Variants in PHC2 observed in about 807,000 individuals in gnomAD.
The protein encoded by PHC2 is polyhomeotic homolog 2.
PHC2 carries 29 observed loss-of-function variants against 87.4 expected under a neutral mutation model. The ratio of observed to expected loss-of-function variants is 0.33; its 90% CI spans 0.25 to 0.45. The LOEUF is 0.45. Among genes scored for constraint, PHC2 ranks in the 20% least tolerant of loss-of-function variants. The pLI, the probability that PHC2 is intolerant of heterozygous loss-of-function variation, is 1.00. For missense variants in PHC2, 857 were observed against 1,136.7 expected (o/e 0.75, Z 3.54); for synonymous variants, 438 against 461.7 (o/e 0.95, Z 0.66).
At chr1:33,413,571 C>T (rs141647327) in intron 1 of PHC2, among the ~76,000 whole-genome samples, 1 of 152,268 alleles carries the variant, frequency 6.6e-6, no homozygotes, top group East Asian at 1.9e-4. Flanking sequence ...TGGCAACAAT[C>T]TCAAAAGTGA....
At chr1:33,357,805 CA>C (rs1557831890) in intron 7 of PHC2, among the ~76,000 whole-genome samples, 1 of 152,194 alleles carries the variant, frequency 6.6e-6, no homozygotes, top group African/African-American at 2.4e-5. Context: ...AAATGATCTG[CA>C]AATGTTGGGC....
At chr1:33,351,292 C>CA (rs1009695295) in intron 9 of PHC2, among the ~76,000 whole-genome samples, 4 of 150,928 alleles carry the variant, frequency 2.7e-5, no homozygotes, top group South Asian at 2.1e-4. Flanking sequence ...TTGATTTTTT[C>CA]AAAAAAAAAT....
intron 1 of PHC2, among the ~76,000 whole-genome samples, chr1:33,384,669 G>A (rs773548651): frequency 2.0e-5 from 3 of 152,126 alleles, no homozygotes; most frequent in Non-Finnish European, 4.4e-5. Context: ...CTCCCTGGCC[G>A]GAGCGCATTC....
At chr1:33,391,180 T>C (rs1214292335) in intron 1 of PHC2, among the ~76,000 whole-genome samples, 1 of 152,148 alleles carries the variant, frequency 6.6e-6, no homozygotes, top group Non-Finnish European at 1.5e-5. Context: ...GCCTCACCCA[T>C]CCCCAGACTT....
intron 2 of PHC2, among the ~76,000 whole-genome samples, chr1:33,374,044 G>A (rs1421569545): frequency 1.3e-5 from 2 of 152,058 alleles, no homozygotes; most frequent in Non-Finnish European, 1.5e-5. Flanking sequence ...ACCCCTCTCC[G>A]ATACCCTGTT....
chr1:33,332,547 T>C lies in PHC2; in HGVS notation c.1762-143A>G, dbSNP rs1361712015. The C allele has an allele frequency of 1.0e-6, 1 of 1,001,778 alleles. No individual in the cohort carries two copies. The highest frequency in any genetic ancestry group is 1.6e-5 in the African/African-American group (1 of 62,300). 62.1% of individuals were successfully genotyped at this position (1,001,778 alleles called of 1,614,324 possible). On this transcript the variant is annotated intron_variant, in intron 10 of 14. Coordinates refer to ENST00000683057, the MANE Select transcript of PHC2 (RefSeq NM_001385109.1). This position sits in a 1 kb window ranked among gnomAD's most constrained non-coding sequence, Gnocchi z 4.2. Reference sequence around the variant, plus strand: ...ACCTTCCCCCATGTCATCATCCAAGTGTGCTGGGCTCAAGGCCCTATTTTG... The same window carrying C: ...ACCTTCCCCCATGTCATCATCCAAGCGTGCTGGGCTCAAGGCCCTATTTTG...
At position 33,354,406 on chromosome 1, in the gene PHC2, G is replaced by A. The variant is rs748613999; in HGVS notation, c.1553C>T (p.Ala518Val). 1 of 1,612,646 alleles carries A rather than the reference G, an allele frequency of 6.2e-7. No individual in the cohort carries two copies. The highest frequency in any genetic ancestry group is 8.5e-7 in the Non-Finnish European group (1 of 1,179,424). Reference sequence around the variant, plus strand: ...GGCCCCACTGTGCTTCATACCGTGAGCTGGGGACGGCTGGATGTTAGGGCT... The same window carrying A: ...GGCCCCACTGTGCTTCATACCGTGAACTGGGGACGGCTGGATGTTAGGGCT... ...PTSPNIQPSP[A>V]HETGQGIVHA... The change falls in exon 9 of 15, where the codon GCT becomes GTT. Residue 518 changes from alanine (A) to valine (V), a missense_variant. Transcript: ENST00000683057.
At chr1:33,419,382 A>G (rs1307026920) in intron 1 of PHC2, among the ~76,000 whole-genome samples, 1 of 152,188 alleles carries the variant, frequency 6.6e-6, no homozygotes, top group Non-Finnish European at 1.5e-5. Flanking sequence ...CTGAAGTTCA[A>G]TATTAGCTTC....
At chr1:33,340,074 C>T (rs1368796946) in intron 9 of PHC2, among the ~76,000 whole-genome samples, 2 of 152,224 alleles carry the variant, frequency 1.3e-5, no homozygotes, top group Non-Finnish European at 2.9e-5. Context: ...CGGAGCTTTT[C>T]CTTCTACCCC....
At chr1:33,365,041 C>T (rs114988347) in intron 7 of PHC2, among the ~76,000 whole-genome samples, 12 of 152,282 alleles carry the variant, frequency 7.9e-5, no homozygotes, top group African/African-American at 2.6e-4. Context: ...CTGAGAGGGA[C>T]GATCTGGCTT....
intron 9 of PHC2, among the ~76,000 whole-genome samples, chr1:33,344,310 A>G (rs1646804554): frequency 6.6e-6 from 1 of 152,162 alleles, no homozygotes; most frequent in African/African-American, 2.4e-5. Flanking sequence ...CCCCAATATG[A>G]TGACTATTTT....
intron 9 of PHC2, chr1:33,335,449 T>C: frequency 2.1e-6 from 1 of 467,746 alleles, no homozygotes; most frequent in Non-Finnish European, 2.8e-6. Flanking sequence ...ATATATACTT[T>C]AAAAGTGATT....
rs551983458 is a variant in PHC2, at chr1:33,340,116, A to G, written c.1559-5824T>C. Among the ~76,000 whole-genome samples the G allele has an allele frequency of 5.9e-5, 9 of 152,330 alleles. No homozygotes were observed. In the South Asian group the frequency reaches 1.0e-3, roughly 18 times the overall value. Reference sequence around the variant, plus strand: ...TTGGTCAATGGCTGATTTCCACCTTATCATGAGAAGGGAGTATGTATTTTA... The same window carrying G: ...TTGGTCAATGGCTGATTTCCACCTTGTCATGAGAAGGGAGTATGTATTTTA... On this transcript the variant is annotated intron_variant, in intron 9 of 14. Transcript: ENST00000683057.
intron 1 of PHC2, among the ~76,000 whole-genome samples, chr1:33,393,973 G>T (rs1048842949): frequency 2.0e-5 from 3 of 152,190 alleles, no homozygotes; most frequent in African/African-American, 7.2e-5. Flanking sequence ...CCAAAGAAAA[G>T]AACTGTCAAT....
intron 7 of PHC2, among the ~76,000 whole-genome samples, chr1:33,356,394 CAT>C (rs1196919231): frequency 6.6e-6 from 1 of 150,428 alleles, no homozygotes; most frequent in East Asian, 2.0e-4. Flanking sequence ...AGCAGATAAA[CAT>C]GTGAACAAGG....
intron 9 of PHC2, chr1:33,345,945 G>A (rs1243288212): frequency 1.0e-6 from 1 of 984,784 alleles, no homozygotes; most frequent in African/African-American, 1.7e-5. Flanking sequence ...TTGTGAATAA[G>A]TAGTTATCTT....
At chr1:33,354,343 G>T in intron 9 of PHC2, 58 bp downstream of exon 9, 1 of 1,502,404 alleles carries the variant, frequency 6.7e-7, no homozygotes, top group Non-Finnish European at 9.1e-7. Flanking sequence ...AATGTGCCAG[G>T]GCATGGCAAG....
At chr1:33,337,535 G>A (rs1188360346) in intron 9 of PHC2, among the ~76,000 whole-genome samples, 1 of 152,146 alleles carries the variant, frequency 6.6e-6, no homozygotes, top group Non-Finnish European at 1.5e-5. Context: ...CCCTCTCTAA[G>A]CCTCAGCTTC....
In PHC2 at chr1:33,348,713, C is replaced by A. The variant is rs904562553; in HGVS notation, c.1558+5688G>T. Reference sequence around the variant, plus strand: ...GGGAGATATCCGAGGGGAAGGCTGTCATTGATTTGTAAGGGAAGAAAAAGA... The same window carrying A: ...GGGAGATATCCGAGGGGAAGGCTGTAATTGATTTGTAAGGGAAGAAAAAGA... On this transcript the variant is annotated intron_variant, in intron 9 of 14. Transcript: ENST00000683057. Among the ~76,000 whole-genome samples, 4 of 152,228 alleles carry A rather than the reference C, an allele frequency of 2.6e-5. No homozygotes were observed. In the East Asian group the frequency reaches 7.7e-4, roughly 29 times the overall value.
Sources: allele counts gnomAD v4.1 joint callset (sites outside exome capture counted in the v4.1 genomes callset), GRCh38; gene constraint gnomAD v4.1.1; non-coding constraint Gnocchi (gnomAD v3.1); transcripts MANE v1.5; gene names NCBI Gene and HGNC (gene_info 2026-07-23, HGNC 2026-07-21).